Variants in DECR1 observed in about 807,000 individuals in gnomAD.
DECR1 encodes the protein 2,4-dienoyl-CoA reductase 1, also known as 2,4-dienoyl-CoA reductase [(3E)-enoyl-CoA-producing], mitochondrial.
DECR1 carries 44 observed loss-of-function variants against 38.8 expected under a neutral mutation model. That is an observed-to-expected ratio of 1.13 (90% confidence interval 0.89 to 1.46). The LOEUF is 1.46. DECR1 is among the 40% of genes most tolerant of loss of function. The pLI, the probability that DECR1 is intolerant of heterozygous loss-of-function variation, is 0.00. For synonymous variants in DECR1, 148 were observed against 135.2 expected (o/e 1.09, Z -0.66); for missense variants, 428 against 405.5 (o/e 1.06, Z -0.48).
intron 5 of DECR1, among the ~76,000 whole-genome samples, chr8:90,027,683 C>G (rs189764163): frequency 2.0e-5 from 3 of 151,904 alleles, no homozygotes; most frequent in African/African-American, 7.2e-5. Flanking sequence ...ATTTGCCAGT[C>G]TGTGTCTTTT....
intron 5 of DECR1, among the ~76,000 whole-genome samples, chr8:90,027,798 T>G (rs1322512294): frequency 6.6e-6 from 1 of 152,120 alleles, no homozygotes; most frequent in Non-Finnish European, 1.5e-5. Context: ...GAATAAGTAT[T>G]GAATTTGTTA....
Position 90,051,846 on chromosome 8 carries a change from G to A in DECR1, c.957G>A (p.Lys319=), listed in dbSNP as rs1814104562. The change falls in exon 10 of 10, where the codon AAG becomes AAA. Residue 319 remains lysine (K), a synonymous_variant. Transcript: ENST00000220764. Reference sequence around the variant, plus strand: ...CATCTTTTTTGTGTTAGGTCACCAAGGAGCAGTGGGACACCATAGAAGAAC... The same window carrying A: ...CATCTTTTTTGTGTTAGGTCACCAAAGAGCAGTGGGACACCATAGAAGAAC... The part of the protein sequence containing the change: ...GEFNDLRKVT[K]EQWDTIEELI... 2 of 1,613,772 alleles carry A rather than the reference G, an allele frequency of 1.2e-6. No individual in the cohort carries two copies. The highest frequency in any genetic ancestry group is 1.7e-4 in the Middle Eastern group (1 of 6,054).
chr8:90,018,178 G>A (rs535782361), intron 2 of DECR1, among the ~76,000 whole-genome samples: 7 of 152,280 alleles, frequency 4.6e-5, no homozygotes, highest in East Asian at 3.9e-4. Flanking sequence ...GTGAGCCACC[G>A]CGCCCAGCCA....
chr8:90,015,545 T>C (rs954391486), intron 1 of DECR1: 4 of 407,502 alleles, frequency 9.8e-6, no homozygotes, highest in African/African-American at 8.2e-5. Flanking sequence ...TTCCAGGTGA[T>C]GAACAGCCTC....
At chr8:90,002,068 G>T (rs185598884) in intron 1 of DECR1, among the ~76,000 whole-genome samples, 1 of 152,184 alleles carries the variant, frequency 6.6e-6, no homozygotes, top group African/African-American at 2.4e-5. Context: ...GCCCTGATGT[G>T]TGTAGGGGAA....
chr8:90,045,923 G>A (rs1490735115), intron 8 of DECR1, among the ~76,000 whole-genome samples: 1 of 152,222 alleles, frequency 6.6e-6, no homozygotes, highest in Non-Finnish European at 1.5e-5. Context: ...GGCAAACAGT[G>A]TCTGCAGTGG....
At chr8:90,043,685 A>G (rs969350600) in intron 7 of DECR1, among the ~76,000 whole-genome samples, 1 of 152,210 alleles carries the variant, frequency 6.6e-6, no homozygotes, top group Admixed American at 6.5e-5. Context: ...AGTTTAAAGG[A>G]TGGGAAATAG....
intron 5 of DECR1, among the ~76,000 whole-genome samples, chr8:90,028,243 A>C (rs528372215): frequency 8.3e-4 from 127 of 152,270 alleles, no homozygotes; most frequent in Middle Eastern, 3.4e-3. Flanking sequence ...AGTGTTCAAC[A>C]TAGTGTGATA....
intron 5 of DECR1, among the ~76,000 whole-genome samples, chr8:90,033,714 A>T (rs1813552931): frequency 6.6e-6 from 1 of 152,196 alleles, no homozygotes; most frequent in African/African-American, 2.4e-5. Context: ...AGAAAATAAA[A>T]CCTTAAAGGG....
intron 1 of DECR1, among the ~76,000 whole-genome samples, chr8:90,008,834 C>T (rs1005706471): frequency 1.3e-5 from 2 of 152,324 alleles, no homozygotes; most frequent in Admixed American, 1.3e-4. Context: ...TGACTCATTA[C>T]GTCCTCATTT....
intron 1 of DECR1, among the ~76,000 whole-genome samples, chr8:90,010,515 C>G (rs1269228733): frequency 1.3e-5 from 2 of 152,222 alleles, no homozygotes; most frequent in Non-Finnish European, 2.9e-5. Context: ...TTATGGAAGG[C>G]TTCCTGTATT....
intron 5 of DECR1, among the ~76,000 whole-genome samples, chr8:90,031,293 A>G (rs573576850): frequency 1.3e-5 from 2 of 152,286 alleles, no homozygotes; most frequent in East Asian, 3.9e-4. Flanking sequence ...CTAGTACTCA[A>G]TAAATGTTAG....
chr8:90,044,878 A>C lies in DECR1; in HGVS notation c.768A>C (p.Gly256=). The change falls in exon 8 of 10, where the codon GGA becomes GGC. Residue 256 remains glycine, a synonymous_variant. Coordinates refer to ENST00000220764, the MANE Select transcript of DECR1 (RefSeq NM_001359.2). The part of the protein sequence containing the change: ...KGAFSRLDPT[G]TFEKEMIGRI... ...CCTTTAGCCGTCTGGACCCAACTGG[A>C]ACATTTGAGAAAGAAATGATTGGCA... The C allele has an allele frequency of 1.9e-6, 3 of 1,613,646 alleles. No homozygotes were observed. Among genetic ancestry groups the C allele is most frequent in the Non-Finnish European group, 2.5e-6 (3 of 1,179,662 alleles).
intron 1 of DECR1, among the ~76,000 whole-genome samples, chr8:90,009,557 A>G (rs566819767): frequency 2.6e-5 from 4 of 151,744 alleles, no homozygotes; most frequent in African/African-American, 9.7e-5. Context: ...GGGGCTTAAT[A>G]TATGCTCAAT....
At chr8:90,003,426 C>T (rs766536430) in intron 1 of DECR1, among the ~76,000 whole-genome samples, 5 of 151,834 alleles carry the variant, frequency 3.3e-5, no homozygotes, top group Non-Finnish European at 5.9e-5. Flanking sequence ...TGTGCTATGC[C>T]CTGGGACTCA....
intron 1 of DECR1, among the ~76,000 whole-genome samples, chr8:90,016,210 G>A (rs1010357295): frequency 1.3e-5 from 2 of 152,162 alleles, no homozygotes; most frequent in Non-Finnish European, 2.9e-5. Flanking sequence ...AAGCTAGCAT[G>A]GGAAGAGGCA....
rs779723835 is a variant in DECR1 at position 90,017,155 on chromosome 8, A to C, written c.101A>C (p.Gln34Pro). 6.2e-7 allele frequency: 1 copy of C among 1,614,030 alleles called. No individual in the cohort carries two copies. Among genetic ancestry groups the C allele is most frequent in the South Asian group, 1.1e-5 (1 of 91,082 alleles). The change falls in exon 2 of 10, where the codon CAA becomes CCA. Residue 34 changes from glutamine to proline, a missense_variant. Physicochemically the swap from Gln to Pro is moderately conservative, Grantham distance 76 (BLOSUM62 -1). Transcript: ENST00000220764. The part of the protein sequence containing the change: ...FFSYGTKILY[Q>P]NTEALQSKFF... Reference sequence around the variant, plus strand: ...AGTTATGGGACAAAAATATTATATCAAAACACTGAAGCTTTGCAATCTAAA... The same window carrying C: ...AGTTATGGGACAAAAATATTATATCCAAACACTGAAGCTTTGCAATCTAAA...
chr8:90,039,109 T>C (rs1211574702), intron 6 of DECR1, among the ~76,000 whole-genome samples: 7 of 152,208 alleles, frequency 4.6e-5, no homozygotes, highest in Non-Finnish European at 8.8e-5. Context: ...CTTCTTCTCA[T>C]ACTTTATAGT....
intron 8 of DECR1, among the ~76,000 whole-genome samples, chr8:90,051,302 A>T (rs1814084707): frequency 6.6e-6 from 1 of 152,116 alleles, no homozygotes; most frequent in African/African-American, 2.4e-5. Flanking sequence ...CAATAGAGAT[A>T]AAGAGAGGGA....
Sources: gnomAD v4.1 joint callset for allele counts (sites outside exome capture counted in the v4.1 genomes callset) on GRCh38, gnomAD v4.1.1 for gene constraint, MANE v1.5 for transcripts, NCBI Gene and HGNC (gene_info 2026-07-23, HGNC 2026-07-21) for gene names.